The following SLC44A5 variants were observed in gnomAD, a reference collection of about 807,000 sequenced individuals.
The protein encoded by SLC44A5 is solute carrier family 44 member 5.
In SLC44A5, 57 loss-of-function variants were observed where a neutral mutation model predicts 101.8. The ratio of observed to expected loss-of-function variants is 0.56; its 90% CI spans 0.45 to 0.70. The LOEUF (loss-of-function observed/expected upper bound fraction) is 0.70, where lower values mean the gene tolerates loss of function less well. Ranked by LOEUF, SLC44A5 falls within the 30% of genes least tolerant of loss-of-function variation. The pLI, the probability that SLC44A5 is intolerant of heterozygous loss-of-function variation, is 0.00. For synonymous variants in SLC44A5, 281 were observed against 290.9 expected (o/e 0.97, Z 0.35); for missense variants, 737 against 853.1 (o/e 0.86, Z 1.70).
intron 2 of SLC44A5, among the ~76,000 whole-genome samples, chr1:75,481,761 G>T (rs1215247590): frequency 6.6e-6 from 1 of 152,200 alleles, no homozygotes; most frequent in Admixed American, 6.5e-5. Flanking sequence ...AACAACAGGT[G>T]CTGGAGAAGA....
At chr1:75,248,305 T>C (rs1557575117) in intron 7 of SLC44A5, among the ~76,000 whole-genome samples, 1 of 152,032 alleles carries the variant, frequency 6.6e-6, no homozygotes, top group Non-Finnish European at 1.5e-5. Context: ...CTTTGTATAT[T>C]GATGGAGATA....
At chr1:75,374,470 T>G (rs1290786181) in intron 3 of SLC44A5, among the ~76,000 whole-genome samples, 1 of 152,168 alleles carries the variant, frequency 6.6e-6, no homozygotes. Flanking sequence ...CCCCACTTGA[T>G]GCTAAGGAAA....
chr1:75,540,622 C>T (rs1389490570), intron 2 of SLC44A5, among the ~76,000 whole-genome samples: 1 of 152,128 alleles, frequency 6.6e-6, no homozygotes, highest in Non-Finnish European at 1.5e-5. Context: ...TTTTTATATA[C>T]TCAGCCAAAG....
intron 5 of SLC44A5, among the ~76,000 whole-genome samples, chr1:75,280,727 T>A (rs1315829734): frequency 6.6e-6 from 1 of 151,430 alleles, no homozygotes; most frequent in African/African-American, 2.4e-5. Flanking sequence ...TCTCATGAGA[T>A]CTGATGGTTT....
chr1:75,281,551 G>A (rs988838309), intron 5 of SLC44A5, among the ~76,000 whole-genome samples: 1 of 150,278 alleles, frequency 6.7e-6, no homozygotes, highest in Non-Finnish European at 1.5e-5. Context: ...AATGTCTCCA[G>A]GGCATGTCAA....
At chr1:75,363,826 C>G (rs912813363) in intron 3 of SLC44A5, among the ~76,000 whole-genome samples, 8 of 152,140 alleles carry the variant, frequency 5.3e-5, no homozygotes, top group Non-Finnish European at 1.5e-5. Context: ...GCTTAAAGAA[C>G]TTTCCCTAGA....
At chr1:75,230,669 T>A (rs1289458731) in intron 12 of SLC44A5, among the ~76,000 whole-genome samples, 12 of 152,100 alleles carry the variant, frequency 7.9e-5, no homozygotes, top group South Asian at 2.1e-4. Context: ...CAGGCTGGAG[T>A]GCAGTGGCAT....
At chr1:75,682,919 A>T in the SLC44A5 span, among the ~76,000 whole-genome samples, 1 of 152,192 alleles carries the variant, frequency 6.6e-6, no homozygotes, top group Non-Finnish European at 1.5e-5. Flanking sequence ...GAAAAAAACA[A>T]ACAACCCCAT....
intron 3 of SLC44A5, among the ~76,000 whole-genome samples, chr1:75,393,761 G>A (rs1238729220): frequency 6.6e-6 from 1 of 152,150 alleles, no homozygotes; most frequent in Non-Finnish European, 1.5e-5. Flanking sequence ...TTATTTTGTG[G>A]AGAATAGACC....
chr1:75,527,840 A>G (rs937795236), intron 2 of SLC44A5, among the ~76,000 whole-genome samples: 1 of 152,150 alleles, frequency 6.6e-6, no homozygotes, highest in Non-Finnish European at 1.5e-5. Context: ...CTTTTGTATC[A>G]CATATACGAT....
intron 2 of SLC44A5, among the ~76,000 whole-genome samples, chr1:75,444,921 G>A (rs1409998329): frequency 6.6e-6 from 1 of 152,136 alleles, no homozygotes; most frequent in African/African-American, 2.4e-5. Context: ...TTAGGTAGAG[G>A]AGAGAATGAT....
chr1:75,509,928 T>C (rs930331206), intron 2 of SLC44A5, among the ~76,000 whole-genome samples: 1 of 152,138 alleles, frequency 6.6e-6, no homozygotes, highest in Non-Finnish European at 1.5e-5. Flanking sequence ...AGAGTTTAAT[T>C]GACTCACAGT....
At chr1:75,722,714 C>G in the SLC44A5 span, among the ~76,000 whole-genome samples, 1 of 152,196 alleles carries the variant, frequency 6.6e-6, no homozygotes, top group Admixed American at 6.5e-5. Flanking sequence ...TCCCCTGGCC[C>G]TTTCCTTAAA....
chr1:75,210,825 C>A lies in SLC44A5; in HGVS notation c.2047+643G>T, dbSNP rs1407131918. Among the ~76,000 whole-genome samples the A allele has an allele frequency of 2.6e-5, 4 of 152,202 alleles. No individual in the cohort carries two copies. The East Asian group carries it at 7.7e-4, about 29-fold the overall frequency. ...TCCATTCTCTTAGCTGTTAAGATTTCTTTTTAAATTTTGTATTTTTCTCTA... is the reference window on the plus strand; with the variant it reads ...TCCATTCTCTTAGCTGTTAAGATTTATTTTTAAATTTTGTATTTTTCTCTA... On this transcript the variant is annotated intron_variant, in intron 23 of 23. Coordinates refer to ENST00000370859, the MANE Select transcript of SLC44A5 (RefSeq NM_001130058.2).
chr1:75,481,666 A>G, intron 2 of SLC44A5, among the ~76,000 whole-genome samples: 1 of 152,118 alleles, frequency 6.6e-6, no homozygotes, highest in East Asian at 1.9e-4. Context: ...GCTCACCATC[A>G]CTGGCCATCA....
chr1:75,648,273 A>G, the SLC44A5 span, among the ~76,000 whole-genome samples: 2 of 152,146 alleles, frequency 1.3e-5, no homozygotes, highest in African/African-American at 2.4e-5. Context: ...ATGATGTTTA[A>G]AAGTTTCCTA....
intron 3 of SLC44A5, among the ~76,000 whole-genome samples, chr1:75,396,170 G>A (rs1662110839): frequency 6.6e-6 from 1 of 152,254 alleles, no homozygotes; most frequent in East Asian, 1.9e-4. Flanking sequence ...TAAGGAGAGA[G>A]CCGGCTGTCG....
chr1:75,236,926 GT>G, intron 11 of SLC44A5, 60 bp downstream of exon 11: 1 of 892,180 alleles, frequency 1.1e-6, no homozygotes, highest in Non-Finnish European at 1.8e-6. Flanking sequence ...TGAAGAAAGA[GT>G]TCTACAAAGA....
intron 2 of SLC44A5, among the ~76,000 whole-genome samples, chr1:75,532,545 C>T (rs1298726981): frequency 6.6e-6 from 1 of 152,176 alleles, no homozygotes; most frequent in African/African-American, 2.4e-5. Context: ...CTACCATTTC[C>T]TTGTCCCCTT....
Sources: allele counts gnomAD v4.1 joint callset (sites outside exome capture counted in the v4.1 genomes callset), GRCh38; gene constraint gnomAD v4.1.1; transcripts MANE v1.5; gene names NCBI Gene and HGNC (gene_info 2026-07-23, HGNC 2026-07-21).